Variants in SLC35F1 observed in about 807,000 individuals in gnomAD.
SLC35F1 encodes solute carrier family 35 member F1.
SLC35F1 carries 14 observed loss-of-function variants against 48.7 expected under a neutral mutation model. That is an observed-to-expected ratio of 0.29 (90% CI 0.19 to 0.45). The LOEUF (loss-of-function observed/expected upper bound fraction) is 0.45. Among genes scored for constraint, SLC35F1 ranks in the 20% least tolerant of loss-of-function variants. SLC35F1 has a pLI of 1.00. For missense variants in SLC35F1, 404 were observed against 500.0 expected, an observed-to-expected ratio of 0.81 and a Z score of 1.83; for synonymous variants, 190 against 202.2, an observed-to-expected ratio of 0.94 and a Z score of 0.51.
intron 1 of SLC35F1, among the ~76,000 whole-genome samples, chr6:118,078,768 T>G (rs1772861664): frequency 6.6e-6 from 1 of 152,166 alleles, no homozygotes; most frequent in Non-Finnish European, 1.5e-5. Context: ...GGGTACCCTT[T>G]CAGCATTGGT....
chr6:117,947,414 C>A (rs559585302), intron 1 of SLC35F1, among the ~76,000 whole-genome samples: 3 of 152,030 alleles, frequency 2.0e-5, no homozygotes, highest in African/African-American at 7.2e-5. Context: ...GGGTTTTACT[C>A]CTAGCACAAT....
In SLC35F1 at chr6:118,235,680, T is replaced by C. The variant is rs1775355410; in HGVS notation, c.477+44T>C. The C allele has an allele frequency of 5.0e-6, 8 of 1,593,910 alleles. No homozygotes were observed. The East Asian group carries it at 1.8e-4, about 36-fold the overall frequency. The stretch of plus-strand genomic sequence containing the variant: ...CCCTTCTCAACTTCCTCTATCCAGA[T>C]GTAGTTTACTTTCAGTTTAGTCCTT... On this transcript the variant is annotated intron_variant, in intron 3 of 7. Coordinates refer to ENST00000360388, the MANE Select transcript of SLC35F1 (RefSeq NM_001029858.4).
chr6:118,002,368 G>T (rs148546625), intron 1 of SLC35F1, among the ~76,000 whole-genome samples: 5 of 151,644 alleles, frequency 3.3e-5, no homozygotes, highest in Non-Finnish European at 7.4e-5. Flanking sequence ...ACCAAACACC[G>T]CATGTTCTCA....
chr6:118,153,616 C>T (rs1032106618), intron 1 of SLC35F1, among the ~76,000 whole-genome samples: 1 of 152,058 alleles, frequency 6.6e-6, no homozygotes, highest in African/African-American at 2.4e-5. Context: ...ATAAAGCTTG[C>T]GAGGGCATTT....
At chr6:117,982,157 A>G (rs9320624) in intron 1 of SLC35F1, among the ~76,000 whole-genome samples, 27,579 of 152,220 alleles carry the variant, frequency 0.18, 2,976 homozygotes, top group East Asian at 0.3. Flanking sequence ...TTCTTTCTAA[A>G]TAAATTAGCC....
chr6:117,990,617 A>T (rs1006711656), intron 1 of SLC35F1, among the ~76,000 whole-genome samples: 1 of 152,168 alleles, frequency 6.6e-6, no homozygotes, highest in Non-Finnish European at 1.5e-5. Flanking sequence ...ACACCAGCTC[A>T]TTTGTTCTTA....
intron 1 of SLC35F1, among the ~76,000 whole-genome samples, chr6:117,920,019 T>A (rs912741897): frequency 2.0e-5 from 3 of 152,174 alleles, no homozygotes; most frequent in Non-Finnish European, 4.4e-5. Flanking sequence ...CAGAGCCGCT[T>A]TAATGTGCTA....
chr6:117,960,182 C>A (rs1478224336), intron 1 of SLC35F1, among the ~76,000 whole-genome samples: 1 of 151,874 alleles, frequency 6.6e-6, no homozygotes, highest in Non-Finnish European at 1.5e-5. Flanking sequence ...ACAAATATTA[C>A]AAACTATCTA....
At chr6:117,928,215 C>A (rs554654145) in intron 1 of SLC35F1, among the ~76,000 whole-genome samples, 2 of 151,930 alleles carry the variant, frequency 1.3e-5, no homozygotes, top group Non-Finnish European at 2.9e-5. Flanking sequence ...TAAATGAGAG[C>A]GAATATAGAA....
intron 3 of SLC35F1, among the ~76,000 whole-genome samples, chr6:118,250,258 C>T (rs907864797): frequency 1.3e-5 from 2 of 152,158 alleles, no homozygotes; most frequent in Non-Finnish European, 2.9e-5. Context: ...ACTGACGTAA[C>T]TAATTTTACT....
At chr6:118,201,787 G>T (rs1774876825) in intron 2 of SLC35F1, among the ~76,000 whole-genome samples, 1 of 152,044 alleles carries the variant, frequency 6.6e-6, no homozygotes. Context: ...CCATTTCAAG[G>T]CCACTCTCCA....
chr6:118,069,917 A>G (rs987416828), intron 1 of SLC35F1, among the ~76,000 whole-genome samples: 7 of 151,314 alleles, frequency 4.6e-5, no homozygotes, highest in Non-Finnish European at 7.4e-5. Context: ...CGGGTGGATC[A>G]TGAGGTCAGG....
chr6:118,070,827 A>G (rs1470051182), intron 1 of SLC35F1, among the ~76,000 whole-genome samples: 2 of 143,910 alleles, frequency 1.4e-5, no homozygotes, highest in African/African-American at 5.3e-5. Flanking sequence ...TATACTATGT[A>G]TACATATATT....
chr6:118,004,546 T>C (rs909894006), intron 1 of SLC35F1, among the ~76,000 whole-genome samples: 1 of 152,164 alleles, frequency 6.6e-6, no homozygotes, highest in Non-Finnish European at 1.5e-5. Context: ...TATTCAACAA[T>C]CTTGTTTTCA....
intron 6 of SLC35F1, among the ~76,000 whole-genome samples, chr6:118,284,156 C>T (rs896974637): frequency 7.9e-5 from 12 of 152,294 alleles, no homozygotes; most frequent in African/African-American, 2.4e-4. Flanking sequence ...ACCAGATATT[C>T]GGTACCTACC....
intron 1 of SLC35F1, among the ~76,000 whole-genome samples, chr6:118,062,412 G>A (rs1175161970): frequency 1.3e-5 from 2 of 151,934 alleles, no homozygotes; most frequent in Non-Finnish European, 2.9e-5. Flanking sequence ...GATTTATGGG[G>A]TACATGAGGT....
chr6:118,091,841 G>T (rs1310410688), intron 1 of SLC35F1, among the ~76,000 whole-genome samples: 1 of 152,152 alleles, frequency 6.6e-6, no homozygotes, highest in East Asian at 1.9e-4. Context: ...AGGCTAAGGT[G>T]GTCTCAGATG....
At chr6:117,997,871 G>A (rs1413487913) in intron 1 of SLC35F1, among the ~76,000 whole-genome samples, 2 of 152,036 alleles carry the variant, frequency 1.3e-5, no homozygotes, top group Non-Finnish European at 2.9e-5. Flanking sequence ...ATCAACTAAC[G>A]AGCAAAATAA....
At chr6:117,954,533 A>G (rs1776402736) in intron 1 of SLC35F1, among the ~76,000 whole-genome samples, 2 of 152,216 alleles carry the variant, frequency 1.3e-5, no homozygotes, top group Non-Finnish European at 2.9e-5. Flanking sequence ...TGCTGAGATT[A>G]CAGGCGTGAG....
Sources: gnomAD v4.1 joint callset for allele counts (sites outside exome capture counted in the v4.1 genomes callset) on GRCh38, gnomAD v4.1.1 for gene constraint, MANE v1.5 for transcripts, NCBI Gene and HGNC (gene_info 2026-07-23, HGNC 2026-07-21) for gene names.